The following MED30 variants were observed in gnomAD, a reference collection of about 807,000 sequenced individuals.
The protein encoded by MED30 is mediator complex subunit 30, also known as mediator of RNA polymerase II transcription subunit 30.
In MED30, 8 loss-of-function variants were observed where a neutral mutation model predicts 21.7. The observed-to-expected ratio is 0.37, with a 90% CI of 0.22 to 0.67. The LOEUF (loss-of-function observed/expected upper bound fraction) is 0.67. Among genes scored for constraint, MED30 ranks in the 30% least tolerant of loss-of-function variants. The pLI is 0.58. For synonymous variants in MED30, 79 were observed against 86.7 expected (o/e 0.91, Z 0.49); for missense variants, 203 against 228.2 (o/e 0.89, Z 0.71).
At chr8:117,534,384 C>T (rs1450127730) in intron 3 of MED30, among the ~76,000 whole-genome samples, 3 of 152,080 alleles carry the variant, frequency 2.0e-5, no homozygotes, top group Admixed American at 6.6e-5. Flanking sequence ...TGTATATTTA[C>T]GGAATGAAAG....
chr8:117,534,914 T>G (rs965367228), intron 3 of MED30, among the ~76,000 whole-genome samples: 1 of 149,226 alleles, frequency 6.7e-6, no homozygotes, highest in Admixed American at 6.8e-5. Context: ...TATATAAATG[T>G]GAATTAAATG....
chr8:117,532,146 C>T (rs2130815540), intron 3 of MED30, among the ~76,000 whole-genome samples: 1 of 151,910 alleles, frequency 6.6e-6, no homozygotes, highest in Admixed American at 6.6e-5. Flanking sequence ...CTTGGATGAG[C>T]AATACATATT....
chr8:117,521,076 C>A, intron 1 of MED30, 23 bp downstream of exon 1: 1 of 1,560,918 alleles, frequency 6.4e-7, no homozygotes, highest in Non-Finnish European at 8.7e-7. Context: ...GCGCGCGAGG[C>A]CAGGGGGATG....
At chr8:117,530,486 A>G (rs1818778371) in intron 2 of MED30, 1 of 307,096 alleles carries the variant, frequency 3.3e-6, no homozygotes, top group South Asian at 1.5e-4. Context: ...GTTTAGTTGT[A>G]CATGACAACC....
Position 117,534,850 on chromosome 8 carries a change from G to GTTTTTTTTT in MED30, c.441+4033_441+4041dup, listed in dbSNP as rs3040827. On this transcript the variant is annotated intron_variant, in intron 3 of 3. Coordinates refer to ENST00000297347, the MANE Select transcript of MED30 (RefSeq NM_080651.4). ...TTAACTGCTAAAAGGCAAACAAATT[G>GTTTTTTTTT]TTTTTTTTTTTTTTTTTTACCAAAA... is the stretch of plus-strand genomic sequence containing the variant. Among the ~76,000 whole-genome samples the GTTTTTTTTT allele has an allele frequency of 4.0e-3, 485 of 120,982 alleles. 7 individuals are homozygous for GTTTTTTTTT. Among genetic ancestry groups the GTTTTTTTTT allele is most frequent in the African/African-American group, 0.012 (402 of 32,490 alleles). The allele number at this position is 120,982 out of a possible 152,430, so 79.4% of individuals were successfully genotyped here. A position where few individuals can be genotyped will look rare whatever the true frequency, so the allele number is the denominator to read the frequency against.
chr8:117,534,860 T>TTTTTTTTC (rs1563790994), intron 3 of MED30, among the ~76,000 whole-genome samples: 1 of 149,916 alleles, frequency 6.7e-6, no homozygotes, highest in African/African-American at 2.5e-5. Flanking sequence ...GTTTTTTTTT[T>TTTTTTTTC]TTTTTTTTAC....
At chr8:117,522,694 A>T (rs1006502683) in intron 1 of MED30, among the ~76,000 whole-genome samples, 47 of 150,152 alleles carry the variant, frequency 3.1e-4, no homozygotes, top group Admixed American at 1.3e-4. Flanking sequence ...AGAGTAATTC[A>T]GTTTCGTGGA....
intron 1 of MED30, chr8:117,523,278 A>G: frequency 8.5e-7 from 1 of 1,176,718 alleles, no homozygotes; most frequent in Non-Finnish European, 1.3e-6. Context: ...GAGGTGGCTG[A>G]CCATGTCCAC....
At chr8:117,521,301 C>T (rs140578760) in intron 1 of MED30, among the ~76,000 whole-genome samples, 178 of 152,288 alleles carry the variant, frequency 1.2e-3, no homozygotes, top group African/African-American at 4.1e-3. Flanking sequence ...TTTAGTTACT[C>T]TGTAAACTCT....
In MED30 at chr8:117,523,349, T is replaced by C. The variant is rs1586859610; in HGVS notation, c.177+2296T>C. 18 of 1,511,582 alleles carry C rather than the reference T, an allele frequency of 1.2e-5. No individual in the cohort carries two copies. In the South Asian group the frequency reaches 1.8e-4, roughly 15 times the overall value. The allele number at this position is 1,511,582 out of a possible 1,614,324, so 93.6% of individuals were successfully genotyped here. On this transcript the variant is annotated intron_variant, in intron 1 of 3. Transcript: ENST00000297347. ...GACCCAGCCCCAGTCTCGGCTTTCT[T>C]GTCGGCACCAGGGGGCACAGCACTC...
At chr8:117,536,809 A>AG (rs1818885478) in intron 3 of MED30, among the ~76,000 whole-genome samples, 1 of 152,232 alleles carries the variant, frequency 6.6e-6, no homozygotes, top group Non-Finnish European at 1.5e-5. Context: ...CTTTAGGTGC[A>AG]GGGGTGTCCA....
At chr8:117,529,955 A>AT (rs1030878460) in intron 2 of MED30, among the ~76,000 whole-genome samples, 119 of 152,070 alleles carry the variant, frequency 7.8e-4, no homozygotes, top group African/African-American at 2.7e-3. Context: ...TATCCCAAGA[A>AT]TTTGAAGAAG....
chr8:117,522,160 G>A (rs760062622), intron 1 of MED30, among the ~76,000 whole-genome samples: 1 of 152,074 alleles, frequency 6.6e-6, no homozygotes, highest in Non-Finnish European at 1.5e-5. Context: ...ACTGTCTTTT[G>A]AAGAACAGAC....
rs11990107 is a variant in MED30 at position 117,521,073 on chromosome 8, A to G, written c.177+20A>G. The G allele has an allele frequency of 0.19, 300,560 of 1,563,426 alleles. 30,638 individuals carry two copies. The highest frequency in any genetic ancestry group is 0.3 in the African/African-American group (21,829 of 72,624). On this transcript the variant is annotated intron_variant, in intron 1 of 3. Transcript: ENST00000297347. ...ATGCAGGTAGGAAGGCGGGCGCGCG[A>G]GGCCAGGGGGATGCAGCTGGGAGGG...
At chr8:117,528,883 T>A in intron 2 of MED30, 74 bp downstream of exon 2, 1 of 1,205,142 alleles carries the variant, frequency 8.3e-7, no homozygotes, top group Non-Finnish European at 1.1e-6. Flanking sequence ...ATCTTTTTCC[T>A]CTCTCTCCTG....
chr8:117,536,228 A>G (rs1160746349), intron 3 of MED30, among the ~76,000 whole-genome samples: 1 of 152,178 alleles, frequency 6.6e-6, no homozygotes, highest in African/African-American at 2.4e-5. Flanking sequence ...ACAAAGCAGC[A>G]CCTGTTTCAT....
At position 117,528,686 on chromosome 8, in the gene MED30, T is replaced by C. The variant is rs1818754785; in HGVS notation, c.213T>C (p.Tyr71=). The change falls in exon 2 of 4, where the codon TAT becomes TAC. Residue 71 remains tyrosine, a synonymous_variant. Transcript: ENST00000297347. The stretch of plus-strand genomic sequence containing the variant: ...GTGTCACTTACCACACTGGAACATA[T>C]CAAGACCGGTTAACAAAGCTACAGG... The part of the protein sequence containing the change: ...PNGVTYHTGT[Y]QDRLTKLQDN... 1.2e-6 allele frequency: 2 copies of C among 1,608,042 alleles called. No individual in the cohort carries two copies. Among genetic ancestry groups the C allele is most frequent in the Non-Finnish European group, 8.5e-7 (1 of 1,177,400 alleles).
At chr8:117,534,935 T>C (rs1379825049) in intron 3 of MED30, among the ~76,000 whole-genome samples, 1 of 150,744 alleles carries the variant, frequency 6.6e-6, no homozygotes, top group Non-Finnish European at 1.5e-5. Context: ...TAGCATATTC[T>C]GTTACTAGAA....
chr8:117,528,919 AT>A, intron 2 of MED30, 110 bp downstream of exon 2: 1 of 893,236 alleles, frequency 1.1e-6, no homozygotes, highest in Non-Finnish European at 1.6e-6. Flanking sequence ...CAGGTTTCGA[AT>A]TTTATTGGTT....
Sources: gnomAD v4.1 joint callset for allele counts (sites outside exome capture counted in the v4.1 genomes callset) on GRCh38, gnomAD v4.1.1 for gene constraint, MANE v1.5 for transcripts, NCBI Gene and HGNC (gene_info 2026-07-23, HGNC 2026-07-21) for gene names.